KNTC1: variants seen among roughly 807,000 people sequenced by gnomAD.
KNTC1 encodes the protein kinetochore associated 1, also known as kinetochore-associated protein 1.
In KNTC1, 253 loss-of-function variants were observed where a neutral mutation model predicts 314.4. The ratio of observed to expected loss-of-function variants is 0.80; its 90% CI spans 0.73 to 0.89. The LOEUF is 0.89. Among genes scored for constraint, KNTC1 ranks in the 40% least tolerant of loss-of-function variants. The pLI is 0.00. For missense variants in KNTC1, 2,475 were observed against 2,572.9 expected (o/e 0.96, Z 0.82); for synonymous variants, 901 against 901.4 (o/e 1.00, Z 0.01).
rs139418165 is a variant in KNTC1 at position 122,537,843 on chromosome 12, T to A, written c.251-496T>A. 4.8e-3 allele frequency among the ~76,000 whole-genome samples: 738 copies of A among 152,226 alleles called. 13 individuals carry two copies. The highest frequency in any genetic ancestry group is 3.8e-3 in the Non-Finnish European group (257 of 68,004). On this transcript the variant is annotated intron_variant, in intron 3 of 63. Coordinates refer to ENST00000333479, the MANE Select transcript of KNTC1 (RefSeq NM_014708.6). ...CATATAGTAAGTGCTCAGTAAATAT[T>A]TCTTGACCAGCTGCATGCAGTGGCT... is the stretch of plus-strand genomic sequence containing the variant.
At chr12:122,594,075 G>A (rs768773122) in intron 42 of KNTC1, 3 of 533,410 alleles carry the variant, frequency 5.6e-6, no homozygotes, top group Non-Finnish European at 1.0e-5. Context: ...TGGTTAGGAT[G>A]ACTAAGAGGA....
intron 63 of KNTC1, among the ~76,000 whole-genome samples, 197 bp from the exon 64 acceptor site, chr12:122,626,008 T>G (rs569443335): frequency 6.6e-6 from 1 of 152,200 alleles, no homozygotes; most frequent in Non-Finnish European, 1.5e-5. Context: ...ATTACTTTTT[T>G]TTTCAGAAGG....
intron 16 of KNTC1, among the ~76,000 whole-genome samples, chr12:122,553,938 T>G (rs554996327): frequency 6.6e-6 from 1 of 151,942 alleles, no homozygotes; most frequent in African/African-American, 2.4e-5. Context: ...AGTCAGTTTT[T>G]GGGGAAGTAA....
chr12:122,561,790 A>C (rs1963993181), intron 18 of KNTC1, 131 bp from the exon 19 acceptor site: 1 of 651,082 alleles, frequency 1.5e-6, no homozygotes, highest in Non-Finnish European at 2.6e-6. Context: ...AGTTCTTTAT[A>C]GTTTACTATT....
intron 1 of KNTC1, 111 bp downstream of exon 1, chr12:122,527,462 G>A (rs1023023015): frequency 6.5e-6 from 1 of 152,790 alleles, no homozygotes; most frequent in African/African-American, 2.4e-5. Context: ...GCAGGAGAGA[G>A]GTTGGAGTCG....
At chr12:122,549,092 C>T (rs912468633) in intron 12 of KNTC1, among the ~76,000 whole-genome samples, 12 of 152,160 alleles carry the variant, frequency 7.9e-5, no homozygotes, top group Admixed American at 6.6e-4. Context: ...CACTCTTTCA[C>T]CCAGACAGGA....
At chr12:122,553,845 T>C (rs1963365377) in intron 16 of KNTC1, among the ~76,000 whole-genome samples, 1 of 152,022 alleles carries the variant, frequency 6.6e-6, no homozygotes, top group South Asian at 2.1e-4. Context: ...ATCAGCAGTT[T>C]CAACTACTAC....
chr12:122,546,968 G>A (rs1962818823), intron 10 of KNTC1, among the ~76,000 whole-genome samples: 1 of 151,020 alleles, frequency 6.6e-6, no homozygotes, highest in South Asian at 2.1e-4. Flanking sequence ...GAGTAGCTGG[G>A]ATTACAGGCG....
chr12:122,616,820 A>T (rs533100232), intron 57 of KNTC1, among the ~76,000 whole-genome samples: 2 of 152,296 alleles, frequency 1.3e-5, no homozygotes, highest in South Asian at 4.1e-4. Flanking sequence ...GTACAGCCTC[A>T]CCATTATCTA....
At chr12:122,553,235 G>A (rs1034536317) in intron 16 of KNTC1, among the ~76,000 whole-genome samples, 4 of 152,098 alleles carry the variant, frequency 2.6e-5, no homozygotes, top group African/African-American at 9.7e-5. Flanking sequence ...AAGGGCAGGG[G>A]ACTTGAGGTT....
intron 44 of KNTC1, among the ~76,000 whole-genome samples, chr12:122,600,671 C>CT (rs879643875): frequency 0.043 from 6,284 of 146,448 alleles, 418 homozygotes; most frequent in African/African-American, 0.14. Context: ...GAGCTTCCTT[C>CT]TTTTTTTTTT....
At chr12:122,554,072 AAAAAATAT>A (rs1378743304) in intron 16 of KNTC1, among the ~76,000 whole-genome samples, 53 of 64,000 alleles carry the variant, frequency 8.3e-4, no homozygotes, top group African/African-American at 3.2e-3. Context: ...CTTAAAAAAA[AAAAAATAT>A]ATATATATAT....
rs753723681 is a variant in KNTC1 at position 122,551,341 on chromosome 12, G to A, written c.1109G>A (p.Gly370Glu). ...TAGGATACCATATACCTTTTAGAAG[G>A]AGTTTGCAAAAATGATCCAAAGTAG... is the stretch of plus-strand genomic sequence containing the variant. ...ISTDTIYLLE[G>E]VCKNDPKLSE... is the part of the protein sequence containing the mutation. The change falls in exon 14 of 64, where the codon GGA (glycine) becomes GAA (glutamate). Residue 370 changes from glycine to glutamate, a missense_variant. Physicochemically the swap from Gly to Glu is moderately conservative, Grantham distance 98. Coordinates refer to ENST00000333479, the MANE Select transcript of KNTC1 (RefSeq NM_014708.6). The A allele has an allele frequency of 1.3e-6, 2 of 1,590,190 alleles. No homozygotes were observed. The highest frequency in any genetic ancestry group is 1.7e-6 in the Non-Finnish European group (2 of 1,162,606).
intron 42 of KNTC1, among the ~76,000 whole-genome samples, chr12:122,592,387 G>A (rs1048668011): frequency 1.3e-5 from 2 of 152,216 alleles, no homozygotes; most frequent in Admixed American, 6.5e-5. Context: ...CCCATGGACC[G>A]CCCAAGGGCT....
intron 16 of KNTC1, 67 bp downstream of exon 16, chr12:122,551,763 C>T: frequency 9.0e-7 from 1 of 1,106,696 alleles, no homozygotes. Context: ...GCTGAGAGGA[C>T]AGACATGTAA....
chr12:122,613,064 C>A, intron 53 of KNTC1, 48 bp from the exon 54 acceptor site: 2 of 956,760 alleles, frequency 2.1e-6, no homozygotes, highest in Non-Finnish European at 3.3e-6. Flanking sequence ...ATTTACCCAA[C>A]TACAATGTGC....
chr12:122,574,164 T>G, intron 26 of KNTC1, 118 bp from the exon 27 acceptor site: 1 of 582,514 alleles, frequency 1.7e-6, no homozygotes, highest in Non-Finnish European at 3.0e-6. Context: ...AATTTTTAGG[T>G]TTTTTTTCTT....
intron 44 of KNTC1, among the ~76,000 whole-genome samples, chr12:122,600,430 A>C (rs1871705700): frequency 6.6e-6 from 1 of 152,096 alleles, no homozygotes; most frequent in Non-Finnish European, 1.5e-5. Flanking sequence ...TAATATGTAT[A>C]TATGCCACAC....
In KNTC1 at chr12:122,546,305, T is replaced by G. The variant is rs1187555771; in HGVS notation, c.763+36T>G. On this transcript the variant is annotated intron_variant, in intron 9 of 63. Coordinates refer to ENST00000333479, the MANE Select transcript of KNTC1 (RefSeq NM_014708.6). ...TTAATGAAACTACTTTAGACAATTA[T>G]TAGTGAGTTTTAATTTTTATGTCAG... 4.0e-6 allele frequency: 5 copies of G among 1,238,018 alleles called. No homozygotes were observed. In the East Asian group the frequency reaches 1.2e-4, roughly 29 times the overall value. The allele number at this position is 1,238,018 out of a possible 1,614,324, so 76.7% of individuals were successfully genotyped here.
Sources: gnomAD v4.1 joint callset for allele counts (sites outside exome capture counted in the v4.1 genomes callset) on GRCh38, gnomAD v4.1.1 for gene constraint, MANE v1.5 for transcripts, NCBI Gene and HGNC (gene_info 2026-07-23, HGNC 2026-07-21) for gene names.